CLASP1: variants seen among roughly 807,000 people sequenced by gnomAD.
The protein encoded by CLASP1 is CLIP-associating protein 1.
CLASP1 carries 38 observed loss-of-function variants against 192.3 expected under a neutral mutation model. The ratio of observed to expected loss-of-function variants is 0.20; its 90% confidence interval spans 0.15 to 0.26. The LOEUF (loss-of-function observed/expected upper bound fraction) is 0.26, where lower values mean the gene tolerates loss of function less well. Among genes scored for constraint, CLASP1 ranks in the 10% least tolerant of loss-of-function variants. CLASP1 has a pLI of 1.00. For missense variants in CLASP1, 1,433 were observed against 1,932.5 expected (o/e 0.74, Z 4.85); for synonymous variants, 691 against 712.8 (o/e 0.97, Z 0.49).
intron 2 of CLASP1, among the ~76,000 whole-genome samples, chr2:121,551,428 T>C (rs2058032145): frequency 6.6e-6 from 1 of 152,114 alleles, no homozygotes; most frequent in African/African-American, 2.4e-5. Flanking sequence ...TTGTAGACAA[T>C]ACGATTCTAT....
chr2:121,429,986 T>G, intron 20 of CLASP1, 87 bp downstream of exon 20: 1 of 1,014,004 alleles, frequency 9.9e-7, no homozygotes, highest in South Asian at 1.5e-5. Context: ...CCCTCTGAAG[T>G]CAATATAGAG....
intron 35 of CLASP1, among the ~76,000 whole-genome samples, chr2:121,365,945 G>A (rs1429960621): frequency 3.3e-5 from 5 of 152,182 alleles, no homozygotes; most frequent in Admixed American, 3.3e-4. Context: ...TCTCCTCCAT[G>A]TTCTTTTAAG....
intron 22 of CLASP1, among the ~76,000 whole-genome samples, chr2:121,419,624 G>A (rs1168298218): frequency 6.6e-6 from 1 of 151,938 alleles, no homozygotes; most frequent in Non-Finnish European, 1.5e-5. Context: ...GAGACTACAA[G>A]ACAGAATTGC....
chr2:121,538,357 A>C (rs12619384), intron 2 of CLASP1, among the ~76,000 whole-genome samples: 19,590 of 152,006 alleles, frequency 0.13, 1,724 homozygotes, highest in African/African-American at 0.24. Context: ...TGTTGCAGTG[A>C]CCCAAGATTG....
At chr2:121,643,927 G>T (rs922087853) in intron 1 of CLASP1, among the ~76,000 whole-genome samples, 2 of 152,206 alleles carry the variant, frequency 1.3e-5, no homozygotes, top group Non-Finnish European at 2.9e-5. Flanking sequence ...CTGGGTGGAA[G>T]ATAATAAAAT....
At chr2:121,510,922 GA>G (rs2094113820) in intron 7 of CLASP1, among the ~76,000 whole-genome samples, 1 of 152,172 alleles carries the variant, frequency 6.6e-6, no homozygotes, top group Non-Finnish European at 1.5e-5. Flanking sequence ...CACCTGCCGA[GA>G]AAGGTGAAGC....
At chr2:121,367,531 G>C (rs1291631600) in intron 35 of CLASP1, 57 bp downstream of exon 36, 15 of 1,607,670 alleles carry the variant, frequency 9.3e-6, no homozygotes, top group Non-Finnish European at 1.3e-5. Context: ...GGCCAGACGG[G>C]AGGGAGCACA....
chr2:121,506,625 A>G (rs972343401), intron 7 of CLASP1, among the ~76,000 whole-genome samples: 3 of 152,194 alleles, frequency 2.0e-5, no homozygotes, highest in Non-Finnish European at 4.4e-5. Context: ...GGCCCAGGAA[A>G]GACCCCTGAA....
intron 2 of CLASP1, among the ~76,000 whole-genome samples, chr2:121,549,516 A>G (rs185454003): frequency 1.1e-4 from 17 of 152,260 alleles, no homozygotes; most frequent in African/African-American, 4.1e-4. Flanking sequence ...TCTACTGACA[A>G]TATTAGACAG....
At chr2:121,597,463 A>G (rs576296064) in intron 2 of CLASP1, among the ~76,000 whole-genome samples, 1 of 152,114 alleles carries the variant, frequency 6.6e-6, no homozygotes, top group Non-Finnish European at 1.5e-5. Flanking sequence ...GGAGAGAGAG[A>G]TAGTGTGTAT....
chr2:121,453,752 A>T (rs1419208738), intron 14 of CLASP1, among the ~76,000 whole-genome samples: 1 of 152,248 alleles, frequency 6.6e-6, no homozygotes, highest in Non-Finnish European at 1.5e-5. Context: ...TCACTGCTGT[A>T]TCTGAACTCC....
intron 3 of CLASP1, 51 bp downstream of exon 3, chr2:121,530,196 A>T: frequency 6.8e-7 from 1 of 1,462,854 alleles, no homozygotes; most frequent in Non-Finnish European, 9.3e-7. Flanking sequence ...GGCCGAGGGA[A>T]GGCTGGGGGT....
intron 9 of CLASP1, among the ~76,000 whole-genome samples, chr2:121,465,456 C>T (rs1310128043): frequency 6.6e-6 from 1 of 152,144 alleles, no homozygotes; most frequent in Non-Finnish European, 1.5e-5. Flanking sequence ...AGGAATCCAA[C>T]TTAAAAGGGA....
At chr2:121,569,287 T>C (rs2059778933) in intron 2 of CLASP1, among the ~76,000 whole-genome samples, 2 of 152,144 alleles carry the variant, frequency 1.3e-5, no homozygotes, top group African/African-American at 2.4e-5. Context: ...ACCCAAATGA[T>C]AGGATATAGC....
chr2:121,618,214 T>A (rs2066767136), intron 1 of CLASP1, among the ~76,000 whole-genome samples: 1 of 152,234 alleles, frequency 6.6e-6, no homozygotes, highest in Non-Finnish European at 1.5e-5. Flanking sequence ...CTAATGCCTA[T>A]AATGCCTGTT....
At chr2:121,479,433 T>C (rs2092406254) in intron 8 of CLASP1, among the ~76,000 whole-genome samples, 1 of 152,102 alleles carries the variant, frequency 6.6e-6, no homozygotes, top group African/African-American at 2.4e-5. Context: ...CCTAACAACT[T>C]CAACAAAAGG....
intron 8 of CLASP1, among the ~76,000 whole-genome samples, chr2:121,479,018 A>ACACACACACAC (rs2092332709): frequency 6.8e-5 from 3 of 44,066 alleles, no homozygotes; most frequent in African/African-American, 4.4e-4. Flanking sequence ...CACACACACC[A>ACACACACACAC]CACACACACA....
chr2:121,353,702 C>A (rs2064905469), intron 37 of CLASP1, among the ~76,000 whole-genome samples: 3 of 152,344 alleles, frequency 2.0e-5, no homozygotes, highest in Admixed American at 6.5e-5. Context: ...TCTTTCTATT[C>A]CCATGACTGG....
intron 25 of CLASP1, among the ~76,000 whole-genome samples, chr2:121,406,676 C>T (rs1418465200): frequency 6.6e-6 from 1 of 152,092 alleles, no homozygotes; most frequent in Non-Finnish European, 1.5e-5. Flanking sequence ...CTGCAATCTC[C>T]AACTCTGGGC....
Sources: allele counts gnomAD v4.1 joint callset (sites outside exome capture counted in the v4.1 genomes callset), GRCh38; gene constraint gnomAD v4.1.1; transcripts MANE v1.5; gene names NCBI Gene and HGNC (gene_info 2026-07-23, HGNC 2026-07-21).